The following C16orf89 variants were observed in gnomAD, a reference collection of about 807,000 sequenced individuals.
C16orf89 encodes chromosome 16 open reading frame 89.
In C16orf89, 57 loss-of-function variants were observed where a neutral mutation model predicts 41.5. That is an observed-to-expected ratio of 1.38 (90% CI 1.11 to 1.71). The LOEUF (loss-of-function observed/expected upper bound fraction) is 1.71. Ranked by LOEUF, C16orf89 falls within the 40% of genes most tolerant of loss-of-function variation. C16orf89 has a pLI of 0.00. For synonymous variants in C16orf89, 223 were observed against 190.6 expected, an observed-to-expected ratio of 1.17 and a Z score of -1.40; for missense variants, 575 against 445.9, an observed-to-expected ratio of 1.29 and a Z score of -2.61.
intron 3 of C16orf89, 52 bp downstream of exon 3, chr16:5,060,234 T>C (rs1438171800): frequency 1.3e-6 from 2 of 1,551,384 alleles, no homozygotes; most frequent in African/African-American, 2.7e-5. Context: ...CAGGACCAGC[T>C]GAGAACTAGT....
chr16:5,045,364 C>A (rs146324359), intron 7 of C16orf89, among the ~76,000 whole-genome samples: 254 of 152,310 alleles, frequency 1.7e-3, no homozygotes, highest in African/African-American at 5.9e-3. Context: ...CTCATGGAGT[C>A]AGAGTCTCAG....
intron 7 of C16orf89, among the ~76,000 whole-genome samples, chr16:5,046,151 T>G (rs1956292496): frequency 6.6e-6 from 1 of 152,112 alleles, no homozygotes; most frequent in Admixed American, 6.5e-5. Flanking sequence ...GCTACGAAAC[T>G]GACTCACTGG....
At chr16:5,044,509 T>A (rs1189458641) in intron 7 of C16orf89, 31 bp from the exon 8 acceptor site, 9 of 1,611,330 alleles carry the variant, frequency 5.6e-6, no homozygotes, top group Non-Finnish European at 5.9e-6. Flanking sequence ...GAGTGCTGGG[T>A]GGCAAGAACC....
chr16:5,060,119 C>G lies in C16orf89; in HGVS notation c.509+167G>C, dbSNP rs78880790. On this transcript the variant is annotated intron_variant, in intron 3 of 7. Transcript: ENST00000472572. Reference sequence around the variant, plus strand: ...GCGGGCGGCTGGAGCAAGGGGGACCCTGCTGGAGTAGGAGAGGGCAGTACC... The same window carrying G: ...GCGGGCGGCTGGAGCAAGGGGGACCGTGCTGGAGTAGGAGAGGGCAGTACC... 3.5e-3 allele frequency: 2,739 copies of G among 789,110 alleles called. 53 individuals are homozygous for G. The highest frequency in any genetic ancestry group is 0.027 in the East Asian group (860 of 31,580). 48.9% of individuals were successfully genotyped at this position (789,110 alleles called of 1,614,324 possible).
At chr16:5,050,025 T>C (rs1956369281) in intron 6 of C16orf89, among the ~76,000 whole-genome samples, 1 of 152,142 alleles carries the variant, frequency 6.6e-6, no homozygotes, top group Non-Finnish European at 1.5e-5. Flanking sequence ...CTGATACCAC[T>C]GAAATACAAA....
chr16:5,062,956 C>G (rs770755465), intron 1 of C16orf89, among the ~76,000 whole-genome samples: 1 of 152,150 alleles, frequency 6.6e-6, no homozygotes, highest in Non-Finnish European at 1.5e-5. Flanking sequence ...GTACACTGCA[C>G]AAGGGCAACA....
chr16:5,049,844 T>C (rs1417284750), intron 6 of C16orf89, among the ~76,000 whole-genome samples: 17 of 151,660 alleles, frequency 1.1e-4, no homozygotes, highest in Admixed American at 1.1e-3. Context: ...GGAAAGAAAT[T>C]GTAAAGATCA....
At chr16:5,061,387 C>G (rs1428033521) in intron 2 of C16orf89, among the ~76,000 whole-genome samples, 2 of 133,246 alleles carry the variant, frequency 1.5e-5, no homozygotes, top group Non-Finnish European at 3.1e-5. Flanking sequence ...GAGCTGAGAT[C>G]GCACCACTGC....
At position 5,058,598 on chromosome 16, in the gene C16orf89, G is replaced by A. The variant is rs745974205; in HGVS notation, c.522C>T (p.Ser174=). The A allele has an allele frequency of 7.4e-6, 12 of 1,610,802 alleles. No individual in the cohort carries two copies. Among genetic ancestry groups the A allele is most frequent in the Admixed American group, 1.7e-5 (1 of 59,898 alleles). Residue 174 remains serine (S), a synonymous_variant, in exon 4 of 8, where the codon AGC becomes AGT. Coordinates refer to ENST00000472572, the MANE Select transcript of C16orf89 (RefSeq NM_001098514.3). ...AGAGGTCTGAGAGGCCGCAGGGCTC[G>A]CTGCTGTCCGTCCTGGGGGAAAGTG... The part of the protein sequence containing the change: ...VQLLGTGTDS[S]EPCGLSDLCR...
intron 2 of C16orf89, among the ~76,000 whole-genome samples, chr16:5,062,181 T>C (rs1956640257): frequency 6.6e-6 from 1 of 152,142 alleles, no homozygotes; most frequent in African/African-American, 2.4e-5. Context: ...GCTGAATGCT[T>C]GAGAGAAGAC....
chr16:5,055,672 C>T (rs1956483678), intron 5 of C16orf89: 11 of 1,533,188 alleles, frequency 7.2e-6, no homozygotes, highest in Non-Finnish European at 9.6e-6. Flanking sequence ...CTTTGTGGGT[C>T]TGTCTGCCAG....
At chr16:5,047,709 T>A (rs894165722) in intron 7 of C16orf89, among the ~76,000 whole-genome samples, 169 bp downstream of exon 7, 2 of 152,112 alleles carry the variant, frequency 1.3e-5, no homozygotes, top group Non-Finnish European at 2.9e-5. Context: ...GAGGAGGCCA[T>A]CAGGGACCCC....
At chr16:5,059,423 A>G (rs906312903) in intron 3 of C16orf89, among the ~76,000 whole-genome samples, 1 of 151,336 alleles carries the variant, frequency 6.6e-6, no homozygotes, top group Non-Finnish European at 1.5e-5. Context: ...CCGAGAAAGA[A>G]CACACCACTG....
intron 3 of C16orf89, among the ~76,000 whole-genome samples, chr16:5,059,864 G>A (rs1956580086): frequency 6.6e-6 from 1 of 152,022 alleles, no homozygotes; most frequent in Admixed American, 6.6e-5. Flanking sequence ...GTAGGATGCT[G>A]GCGCCAGCCC....
intron 4 of C16orf89, 57 bp downstream of exon 4, chr16:5,058,436 C>T: frequency 6.8e-7 from 1 of 1,468,240 alleles, no homozygotes; most frequent in East Asian, 2.3e-5. Flanking sequence ...TCCGGCTGCC[C>T]CTTTTCCTTT....
intron 5 of C16orf89, 41 bp downstream of exon 5, chr16:5,056,012 C>T: frequency 6.6e-7 from 1 of 1,521,186 alleles, no homozygotes; most frequent in Non-Finnish European, 8.9e-7. Flanking sequence ...GGTGGGGGGA[C>T]ACCCTGTTCC....
intron 1 of C16orf89, among the ~76,000 whole-genome samples, chr16:5,063,419 C>T (rs937517366): frequency 3.9e-5 from 6 of 152,180 alleles, no homozygotes; most frequent in East Asian, 3.9e-4. Flanking sequence ...GTGATTGCAC[C>T]GGGTCTACAA....
At chr16:5,064,449 A>G (rs1181719409) in intron 1 of C16orf89, among the ~76,000 whole-genome samples, 2 of 152,156 alleles carry the variant, frequency 1.3e-5, no homozygotes, top group Admixed American at 1.3e-4. Context: ...ACACAATCTC[A>G]TGAGACACAT....
chr16:5,044,839 G>A, intron 7 of C16orf89: 1 of 1,236,260 alleles, frequency 8.1e-7, no homozygotes, highest in Non-Finnish European at 1.0e-6. Context: ...GCGAGAATCT[G>A]TCTCAAAAAA....
Sources: gnomAD v4.1 joint callset for allele counts (sites outside exome capture counted in the v4.1 genomes callset) on GRCh38, gnomAD v4.1.1 for gene constraint, MANE v1.5 for transcripts, NCBI Gene and HGNC (gene_info 2026-07-23, HGNC 2026-07-21) for gene names.